The following LMO3 variants were observed in gnomAD, a reference collection of about 807,000 sequenced individuals.
LMO3 encodes the protein LIM domain only protein 3.
A neutral mutation model predicts 15.8 loss-of-function variants in LMO3; 2 were observed. That is an observed-to-expected ratio of 0.13 (90% CI 0.05 to 0.40). The LOEUF is 0.40. LMO3 is among the 10% of genes least tolerant of loss of function. The probability of loss-of-function intolerance (pLI) is 0.99; values close to 1 mark genes in which losing one functional copy is unlikely to be tolerated. For synonymous variants in LMO3, 62 were observed against 63.8 expected (o/e 0.97, Z 0.13); for missense variants, 86 against 182.2 (o/e 0.47, Z 3.04).
intron 2 of LMO3, among the ~76,000 whole-genome samples, chr12:16,566,438 G>A (rs994490023): frequency 6.6e-6 from 1 of 151,950 alleles, no homozygotes; most frequent in Non-Finnish European, 1.5e-5. Flanking sequence ...GATAAATAAT[G>A]TATGAGGCGA....
intron 3 of LMO3, among the ~76,000 whole-genome samples, chr12:16,551,688 G>C (rs1462749032): frequency 2.6e-5 from 4 of 151,200 alleles, no homozygotes; most frequent in African/African-American, 7.3e-5. Context: ...TGATAATAAT[G>C]TTTCACTGCA....
chr12:16,593,252 C>G lies in LMO3; in HGVS notation c.206+7403G>C, dbSNP rs1363669638. ...GCTTTGGTGTGCTCTTCTGCAAATA[C>G]TCTTTCAATTCCTAAGAGTCTTTTA... On this transcript the variant is annotated intron_variant, in intron 2 of 3. Transcript: ENST00000537304. This position sits in a 1 kb window ranked among gnomAD's most constrained non-coding sequence, Gnocchi z 4.2. Among the ~76,000 whole-genome samples, 1 of 151,808 alleles carries G rather than the reference C, an allele frequency of 6.6e-6. No individual in the cohort carries two copies. The highest frequency in any genetic ancestry group is 1.5e-5 in the Non-Finnish European group (1 of 67,796).
intron 2 of LMO3, among the ~76,000 whole-genome samples, chr12:16,580,010 T>G (rs1943110647): frequency 6.6e-6 from 1 of 152,226 alleles, no homozygotes; most frequent in Admixed American, 6.5e-5. Context: ...CAGGATCAGT[T>G]TATCATCTCA....
chr12:16,578,157 A>C (rs2137509928), intron 2 of LMO3, among the ~76,000 whole-genome samples: 2 of 152,348 alleles, frequency 1.3e-5, no homozygotes, highest in South Asian at 4.1e-4. Flanking sequence ...CTTTAAACTC[A>C]TAGTTTCATG....
chr12:16,569,331 T>G (rs1942728717), intron 2 of LMO3, among the ~76,000 whole-genome samples: 1 of 152,138 alleles, frequency 6.6e-6, no homozygotes, highest in East Asian at 1.9e-4. Flanking sequence ...CAAGAAGGGG[T>G]TGTTTTGAAT....
rs1225456842 is a variant in LMO3 at position 16,597,349 on chromosome 12, A to C, written c.206+3306T>G. 6.6e-6 allele frequency among the ~76,000 whole-genome samples: 1 copy of C among 151,818 alleles called. No homozygotes were observed. The highest frequency in any genetic ancestry group is 1.5e-5 in the Non-Finnish European group (1 of 67,770). ...TATAACCCTTAAGAAAATATCTTAC[A>C]GTCTAAATTATTATATTTTCATATT... On this transcript the variant is annotated intron_variant, in intron 2 of 3. Transcript: ENST00000537304. This position sits in a 1 kb window ranked among gnomAD's most constrained non-coding sequence, Gnocchi z 5.0.
At chr12:16,557,764 A>G (rs1244579473) in intron 3 of LMO3, among the ~76,000 whole-genome samples, 1 of 152,052 alleles carries the variant, frequency 6.6e-6, no homozygotes, top group African/African-American at 2.4e-5. Flanking sequence ...CAAGAGAGGT[A>G]TTAGTGTTTC....
rs928602970 is a variant in LMO3, at chr12:16,589,115, C to A, written c.206+11540G>T. 2.0e-5 allele frequency among the ~76,000 whole-genome samples: 3 copies of A among 152,060 alleles called. No individual in the cohort carries two copies. Among genetic ancestry groups the A allele is most frequent in the African/African-American group, 7.2e-5 (3 of 41,436 alleles). On this transcript the variant is annotated intron_variant, in intron 2 of 3. Transcript: ENST00000537304. The surrounding 1 kb of genome is among the most constrained non-coding windows in gnomAD (Gnocchi z 4.2). ...CCTCACCGTGATGCAACCTGACATG[C>A]CTCTAAGATCTACGAATTAGATGTA...
chr12:16,600,405 G>T, intron 2 of LMO3: 1 of 408,118 alleles, frequency 2.5e-6, no homozygotes, highest in South Asian at 4.3e-5. Context: ...AACATAGGCA[G>T]CGCCATAACC....
intron 2 of LMO3, among the ~76,000 whole-genome samples, chr12:16,566,076 A>G (rs1245643399): frequency 7.3e-6 from 1 of 137,164 alleles, no homozygotes; most frequent in Non-Finnish European, 1.6e-5. Flanking sequence ...AAAGAATGAA[A>G]TCCTGTCATT....
In LMO3 at chr12:16,548,542, C is replaced by G. The variant is rs774639219; in HGVS notation, c.*2680G>C. On this transcript the variant is annotated 3_prime_UTR_variant, in exon 4 of 4. Transcript: ENST00000537304. This position sits in a 1 kb window ranked among gnomAD's most constrained non-coding sequence, Gnocchi z 4.2. ...TGCACGGTCCTTCATCATAGGCAGCCTATGCGAGATGCATCTTAGGAAGGG... is the reference window on the plus strand; with the variant it reads ...TGCACGGTCCTTCATCATAGGCAGCGTATGCGAGATGCATCTTAGGAAGGG... The G allele has an allele frequency of 1.3e-5, 2 of 152,120 alleles. No homozygotes were observed. Among genetic ancestry groups the G allele is most frequent in the Non-Finnish European group, 2.9e-5 (2 of 68,006 alleles). 9.4% of individuals were successfully genotyped at this position (152,120 alleles called of 1,614,324 possible).
At chr12:16,583,379 T>C (rs934743106) in intron 2 of LMO3, among the ~76,000 whole-genome samples, 2 of 152,106 alleles carry the variant, frequency 1.3e-5, no homozygotes, top group African/African-American at 4.8e-5. Flanking sequence ...TAAAGCATCT[T>C]TTTACAGAAC....
At chr12:16,572,791 C>T (rs1942860328) in intron 2 of LMO3, among the ~76,000 whole-genome samples, 1 of 150,882 alleles carries the variant, frequency 6.6e-6, no homozygotes, top group African/African-American at 2.4e-5. Flanking sequence ...AGACCAACCA[C>T]TTTGGGAAAA....
upstream of LMO3, chr12:16,609,609 A>T (rs1351020675): frequency 6.6e-6 from 1 of 152,094 alleles, no homozygotes; most frequent in Non-Finnish European, 1.5e-5. Flanking sequence ...AAAGGAAAAA[A>T]AAAGGCAGAC....
intron 2 of LMO3, among the ~76,000 whole-genome samples, chr12:16,588,555 T>TACA (rs1943395240): frequency 6.6e-6 from 1 of 152,090 alleles, no homozygotes; most frequent in Admixed American, 6.6e-5. Flanking sequence ...TCACCTCAGT[T>TACA]ACAAAGGAAA....
In LMO3 at chr12:16,549,062, A is replaced by T. The variant is rs1409322244; in HGVS notation, c.*2160T>A. ...AGCAAAACCAGTTAAACCTTAAAAG[A>T]TCATCTGAATAAGATCCTGACAATT... On this transcript the variant is annotated 3_prime_UTR_variant, in exon 4 of 4. Coordinates refer to ENST00000537304, the MANE Select transcript of LMO3 (RefSeq NM_018640.5). 6.6e-6 allele frequency: 1 copy of T among 152,156 alleles called. No individual in the cohort carries two copies. The highest frequency in any genetic ancestry group is 1.5e-5 in the Non-Finnish European group (1 of 68,020). 9.4% of individuals were successfully genotyped at this position (152,156 alleles called of 1,614,324 possible).
chr12:16,580,731 G>C (rs924260365), intron 2 of LMO3, among the ~76,000 whole-genome samples: 11 of 152,156 alleles, frequency 7.2e-5, no homozygotes, highest in African/African-American at 2.7e-4. Flanking sequence ...TGAATAATTA[G>C]AGCAAACATT....
intron 2 of LMO3, among the ~76,000 whole-genome samples, chr12:16,577,631 G>C (rs1943035423): frequency 6.6e-6 from 1 of 152,086 alleles, no homozygotes; most frequent in African/African-American, 2.4e-5. Context: ...GGACAAGTAA[G>C]AATAATAACA....
In LMO3 at chr12:16,604,734, A is replaced by G; in HGVS notation, c.-9+1332T>C. ...TAATTGGTTTAAGCAGCAGTCTTTC[A>G]AAGCAGTTACAACAATAATATTTCG... On this transcript the variant is annotated intron_variant, in intron 1 of 3. Transcript: ENST00000537304. The surrounding 1 kb of genome is among the most constrained non-coding windows in gnomAD (Gnocchi z 5.3). 6.0e-6 allele frequency: 6 copies of G among 994,148 alleles called. No homozygotes were observed. The Middle Eastern group carries it at 6.3e-4, about 104-fold the overall frequency. The allele number at this position is 994,148 out of a possible 1,614,324, so 61.6% of individuals were successfully genotyped here.
Sources: allele counts gnomAD v4.1 joint callset (sites outside exome capture counted in the v4.1 genomes callset), GRCh38; gene constraint gnomAD v4.1.1; non-coding constraint Gnocchi (gnomAD v3.1); transcripts MANE v1.5; gene names NCBI Gene and HGNC (gene_info 2026-07-23, HGNC 2026-07-21).